The following SLC25A24 variants were observed in gnomAD, a reference collection of about 807,000 sequenced individuals.
SLC25A24 encodes the protein mitochondrial adenyl nucleotide antiporter SLC25A24.
SLC25A24 carries 49 observed loss-of-function variants against 60.7 expected under a neutral mutation model. The ratio of observed to expected loss-of-function variants is 0.81; its 90% CI spans 0.64 to 1.02. The LOEUF (loss-of-function observed/expected upper bound fraction) is 1.02. Among genes scored for constraint, SLC25A24 ranks in the 50% least tolerant of loss-of-function variants. The pLI is 0.00. For synonymous variants in SLC25A24, 202 were observed against 200.6 expected (o/e 1.01, Z -0.06); for missense variants, 564 against 586.3 (o/e 0.96, Z 0.39).
chr1:108,195,230 T>C (rs1648459402), intron 1 of SLC25A24, among the ~76,000 whole-genome samples: 1 of 152,146 alleles, frequency 6.6e-6, no homozygotes, highest in African/African-American at 2.4e-5. Flanking sequence ...AGGAAGATTA[T>C]AAAGGTGAGT....
chr1:108,195,991 T>C (rs1648485142), intron 1 of SLC25A24, among the ~76,000 whole-genome samples: 1 of 142,948 alleles, frequency 7.0e-6, no homozygotes, highest in South Asian at 2.2e-4. Flanking sequence ...TAGAGCAAGA[T>C]TCTGTCTCCA....
At chr1:108,199,717 C>T in intron 1 of SLC25A24, 1 of 580,652 alleles carries the variant, frequency 1.7e-6, no homozygotes, top group East Asian at 2.9e-5. Flanking sequence ...AGAGTGTCCA[C>T]AACACTCATT....
intron 3 of SLC25A24, among the ~76,000 whole-genome samples, chr1:108,166,941 G>C (rs1278681673): frequency 1.3e-5 from 2 of 150,770 alleles, no homozygotes; most frequent in Non-Finnish European, 1.5e-5. Context: ...TTTGGTCTTT[G>C]ATGATGGTGA....
intron 5 of SLC25A24, 60 bp from the exon 6 acceptor site, chr1:108,155,195 G>T: frequency 7.0e-7 from 1 of 1,438,554 alleles, no homozygotes; most frequent in Non-Finnish European, 9.5e-7. Flanking sequence ...ACTTTTTCTA[G>T]AACAACCACA....
In SLC25A24 at chr1:108,190,080, T is replaced by C. The variant is rs180850749; in HGVS notation, c.184-4126A>G. Among the ~76,000 whole-genome samples the C allele has an allele frequency of 3.8e-3, 582 of 152,190 alleles. 5 individuals are homozygous for C. Among genetic ancestry groups the C allele is most frequent in the Non-Finnish European group, 5.5e-3 (376 of 68,002 alleles). On this transcript the variant is annotated intron_variant, in intron 1 of 9. Transcript: ENST00000565488. Reference sequence around the variant, plus strand: ...CCAATCAAATGAGAAAAGTAAAATCTACTTGGCCCGAGTTTGCTATAGCAA... The same window carrying C: ...CCAATCAAATGAGAAAAGTAAAATCCACTTGGCCCGAGTTTGCTATAGCAA...
intron 9 of SLC25A24, among the ~76,000 whole-genome samples, chr1:108,138,235 C>G (rs942627763): frequency 1.3e-5 from 2 of 152,230 alleles, no homozygotes; most frequent in African/African-American, 4.8e-5. Context: ...CCCCTAGCAT[C>G]TGGCAGTGTC....
At chr1:108,150,683 C>G (rs12047398) in intron 6 of SLC25A24, among the ~76,000 whole-genome samples, 91,372 of 151,884 alleles carry the variant, frequency 0.6, 27,962 homozygotes, top group East Asian at 0.74. Context: ...TTCCCAAACA[C>G]GTATAAGAAG....
intron 7 of SLC25A24, among the ~76,000 whole-genome samples, 196 bp from the exon 8 acceptor site, chr1:108,143,906 T>C (rs1324314686): frequency 6.6e-6 from 1 of 152,194 alleles, no homozygotes; most frequent in Admixed American, 6.5e-5. Context: ...ACCCGTTTAC[T>C]GCAAGGAGGA....
chr1:108,156,996 C>T (rs1032217692), intron 5 of SLC25A24, among the ~76,000 whole-genome samples: 4 of 152,218 alleles, frequency 2.6e-5, no homozygotes, highest in Non-Finnish European at 5.9e-5. Flanking sequence ...TCCACTCTGG[C>T]CAGCCCAATG....
Position 108,181,808 on chromosome 1 carries a change from A to T in SLC25A24, c.398+133T>A, listed in dbSNP as rs1647939633. 2.2e-5 allele frequency: 15 copies of T among 682,348 alleles called. No homozygotes were observed. The South Asian group carries it at 2.6e-4, about 12-fold the overall frequency. The allele number at this position is 682,348 out of a possible 1,614,324, so 42.3% of individuals were successfully genotyped here. A position where few individuals can be genotyped will look rare whatever the true frequency, so the allele number is the denominator to read the frequency against. On this transcript the variant is annotated intron_variant, in intron 3 of 9. Coordinates refer to ENST00000565488, the MANE Select transcript of SLC25A24 (RefSeq NM_013386.5). Reference sequence around the variant, plus strand: ...GTACACATACAAAATGAATGGGAGGAAAAAAGACAAAAAGATCTTGGATAT... The same window carrying T: ...GTACACATACAAAATGAATGGGAGGTAAAAAGACAAAAAGATCTTGGATAT...
At chr1:108,157,730 C>G in intron 4 of SLC25A24, 110 bp from the exon 5 acceptor site, 1 of 1,254,860 alleles carries the variant, frequency 8.0e-7, no homozygotes, top group East Asian at 2.3e-5. Context: ...GAACTTCATT[C>G]CCTAGAATTT....
chr1:108,148,411 A>C (rs1406750234), intron 6 of SLC25A24, 25 bp from the exon 7 acceptor site: 1 of 1,293,758 alleles, frequency 7.7e-7, no homozygotes, highest in Admixed American at 1.7e-5. Flanking sequence ...TTTAAAATGC[A>C]CATTACTACC....
At chr1:108,181,543 C>G (rs1571305363) in intron 3 of SLC25A24, among the ~76,000 whole-genome samples, 1 of 152,104 alleles carries the variant, frequency 6.6e-6, no homozygotes, top group Non-Finnish European at 1.5e-5. Flanking sequence ...TAGTAATTTC[C>G]CTTTTTTCCA....
chr1:108,176,767 T>C (rs1361198458), intron 3 of SLC25A24, among the ~76,000 whole-genome samples: 2 of 152,192 alleles, frequency 1.3e-5, no homozygotes, highest in Non-Finnish European at 2.9e-5. Flanking sequence ...AAGGGTAATG[T>C]ACCCAGCAAA....
intron 1 of SLC25A24, among the ~76,000 whole-genome samples, chr1:108,188,065 C>T (rs948466665): frequency 3.3e-5 from 5 of 151,738 alleles, no homozygotes; most frequent in South Asian, 2.1e-4. Context: ...AATAAAATCA[C>T]GTCCTCTGCA....
chr1:108,154,221 G>GC (rs1478289033), intron 6 of SLC25A24, among the ~76,000 whole-genome samples: 1 of 37,582 alleles, frequency 2.7e-5, no homozygotes, highest in Non-Finnish European at 5.3e-5. Flanking sequence ...CAAAAACTAT[G>GC]GGGGGGGAGT....
chr1:108,169,510 C>T (rs144882621), intron 3 of SLC25A24, among the ~76,000 whole-genome samples: 97 of 152,202 alleles, frequency 6.4e-4, no homozygotes, highest in African/African-American at 2.2e-3. Flanking sequence ...ATTCAGTTTG[C>T]TAATATTTTC....
At chr1:108,147,933 G>A (rs1305804214) in intron 7 of SLC25A24, among the ~76,000 whole-genome samples, 2 of 152,064 alleles carry the variant, frequency 1.3e-5, no homozygotes, top group Non-Finnish European at 2.9e-5. Context: ...TGACTCTAGG[G>A]AAGCCAGCTA....
Position 108,151,574 on chromosome 1 carries a change from C to A in SLC25A24, c.823-3188G>T, listed in dbSNP as rs1005490285. ...TCTGGATTTTCTCCCATCCCTCGAG[C>A]TATTTCTTCTCAGTGTCCTTTGCAA... On this transcript the variant is annotated intron_variant, in intron 6 of 9. Transcript: ENST00000565488. Among the ~76,000 whole-genome samples the A allele has an allele frequency of 9.9e-5, 15 of 152,176 alleles. 1 individual carries two copies. Among genetic ancestry groups the A allele is most frequent in the Non-Finnish European group, 2.1e-4 (14 of 68,038 alleles).
Sources: allele counts gnomAD v4.1 joint callset (sites outside exome capture counted in the v4.1 genomes callset), GRCh38; gene constraint gnomAD v4.1.1; transcripts MANE v1.5; gene names NCBI Gene and HGNC (gene_info 2026-07-23, HGNC 2026-07-21).